P2RX7: variants seen among roughly 807,000 people sequenced by gnomAD.
P2RX7 encodes the protein purinergic receptor P2X 7.
In P2RX7, 62 loss-of-function variants were observed where a neutral mutation model predicts 71.6. The ratio of observed to expected loss-of-function variants is 0.87; its 90% CI spans 0.71 to 1.07. The LOEUF is 1.07. Ranked by LOEUF, P2RX7 falls within the 50% of genes least tolerant of loss-of-function variation. The pLI is 0.00. For synonymous variants in P2RX7, 299 were observed against 283.3 expected (o/e 1.06, Z -0.56); for missense variants, 686 against 748.5 (o/e 0.92, Z 0.97).
chr12:121,163,561 G>C (rs1321467458), intron 5 of P2RX7, among the ~76,000 whole-genome samples: 2 of 113,840 alleles, frequency 1.8e-5, no homozygotes, highest in Admixed American at 9.3e-5. Flanking sequence ...TAGAAAGATA[G>C]ATAGATAGAT....
At chr12:121,175,748 C>G (rs1883002096) in intron 9 of P2RX7, among the ~76,000 whole-genome samples, 1 of 152,038 alleles carries the variant, frequency 6.6e-6, no homozygotes, top group Admixed American at 6.6e-5. Context: ...AGAAATCTCT[C>G]TGTAAAATAG....
At chr12:121,172,402 G>A (rs1882365415) in intron 8 of P2RX7, among the ~76,000 whole-genome samples, 1 of 152,208 alleles carries the variant, frequency 6.6e-6, no homozygotes, top group African/African-American at 2.4e-5. Flanking sequence ...GGCTGAGGTG[G>A]GTGCATCACT....
chr12:121,148,501 C>T (rs2136018056), intron 1 of P2RX7, among the ~76,000 whole-genome samples: 1 of 152,244 alleles, frequency 6.6e-6, no homozygotes, highest in East Asian at 1.9e-4. Context: ...AGGCGTGAGT[C>T]ACCGCACCCA....
At chr12:121,157,060 C>T (rs2136051080) in intron 3 of P2RX7, among the ~76,000 whole-genome samples, 1 of 152,280 alleles carries the variant, frequency 6.6e-6, no homozygotes, top group South Asian at 2.1e-4. Flanking sequence ...CCTCTTAAAC[C>T]AGCTTTTCTT....
intron 8 of P2RX7, among the ~76,000 whole-genome samples, chr12:121,168,915 T>C (rs1370179723): frequency 2.0e-5 from 3 of 152,238 alleles, no homozygotes; most frequent in Non-Finnish European, 2.9e-5. Context: ...TCAAAGGTTG[T>C]GAACATTTTA....
chr12:121,140,451 G>A (rs1484337041), intron 1 of P2RX7, among the ~76,000 whole-genome samples: 1 of 152,220 alleles, frequency 6.6e-6, no homozygotes. Context: ...GAATGACGGT[G>A]AGGAACCAGT....
rs199617518 is a variant in P2RX7 at position 121,147,605 on chromosome 12, G to GTTGT, written c.126-7159_126-7156dup. 2.8e-4 allele frequency among the ~76,000 whole-genome samples: 43 copies of GTTGT among 151,624 alleles called. No homozygotes were observed. The South Asian group carries it at 6.5e-3, about 23-fold the overall frequency. Reference sequence around the variant, plus strand: ...TGCAAAATGGGCAGTTTTTTTTGTTGTTGTTTGTTTGTTTGTTTGTTTGTC... The same window carrying GTTGT: ...TGCAAAATGGGCAGTTTTTTTTGTTGTTGTTTGTTTGTTTGTTTGTTTGTTTGTC... On this transcript the variant is annotated intron_variant, in intron 1 of 12. Coordinates refer to ENST00000328963, the MANE Select transcript of P2RX7 (RefSeq NM_002562.6).
chr12:121,138,122 C>G (rs369906318), intron 1 of P2RX7, among the ~76,000 whole-genome samples: 3 of 152,148 alleles, frequency 2.0e-5, no homozygotes, highest in South Asian at 4.1e-4. Flanking sequence ...ACCCAACTTG[C>G]GTTAACCACA....
At chr12:121,165,525 C>A in intron 6 of P2RX7, 88 bp downstream of exon 6, 1 of 1,010,780 alleles carries the variant, frequency 9.9e-7, no homozygotes, top group Non-Finnish European at 1.5e-6. Flanking sequence ...ACAACAAACG[C>A]CTATTGTCTC....
chr12:121,139,238 G>A (rs756154355), intron 1 of P2RX7, among the ~76,000 whole-genome samples: 1 of 152,200 alleles, frequency 6.6e-6, no homozygotes, highest in Non-Finnish European at 1.5e-5. Context: ...CACCGCACCC[G>A]GCTGGATAAT....
intron 8 of P2RX7, among the ~76,000 whole-genome samples, chr12:121,168,065 G>C (rs539369557): frequency 6.6e-6 from 1 of 151,794 alleles, no homozygotes; most frequent in Non-Finnish European, 1.5e-5. Flanking sequence ...AACAACCCTC[G>C]GGGGAATTTT....
chr12:121,141,461 G>A (rs904271708), intron 1 of P2RX7, among the ~76,000 whole-genome samples: 1 of 152,172 alleles, frequency 6.6e-6, no homozygotes, highest in Non-Finnish European at 1.5e-5. Context: ...CCCACAGCTG[G>A]CCGGTACAGT....
In P2RX7 at chr12:121,163,372, A is replaced by ACACACGCACACACACACACACG. The variant is rs1565958376; in HGVS notation, c.533+857_533+858insGCACACACACACACACGCACAC. ...CACACACACACGCACACACACACAC[A>ACACACGCACACACACACACACG]CACACAATCTACCCCTAGAAGTGTG... On this transcript the variant is annotated intron_variant, in intron 5 of 12. Transcript: ENST00000328963. Among the ~76,000 whole-genome samples the ACACACGCACACACACACACACG allele has an allele frequency of 2.0e-5, 3 of 151,278 alleles. No homozygotes were observed. In the Admixed American group the frequency reaches 2.0e-4, roughly 10 times the overall value.
At chr12:121,153,484 C>A (rs1193020176) in intron 1 of P2RX7, among the ~76,000 whole-genome samples, 1 of 152,078 alleles carries the variant, frequency 6.6e-6, no homozygotes, top group African/African-American at 2.4e-5. Context: ...TCAAGACCAG[C>A]CTGACCAACA....
chr12:121,142,404 C>T (rs1319992068), intron 1 of P2RX7, among the ~76,000 whole-genome samples: 1 of 152,198 alleles, frequency 6.6e-6, no homozygotes, highest in African/African-American at 2.4e-5. Flanking sequence ...CATCTCCAAG[C>T]CTGCTATGAC....
intron 1 of P2RX7, among the ~76,000 whole-genome samples, chr12:121,138,039 T>C (rs1874068406): frequency 6.6e-6 from 1 of 152,228 alleles, no homozygotes; most frequent in Non-Finnish European, 1.5e-5. Context: ...GGAGTTTGTG[T>C]TGGAGGTCTG....
intron 8 of P2RX7, among the ~76,000 whole-genome samples, chr12:121,171,357 CTCTTTT>C (rs1424826001): frequency 0.025 from 3,310 of 131,862 alleles, 99 homozygotes; most frequent in African/African-American, 0.09. Context: ...TGTCTTCAAT[CTCTTTT>C]TTTTTTTTTT....
intron 1 of P2RX7, among the ~76,000 whole-genome samples, chr12:121,142,188 G>T (rs150508599): frequency 2.8e-4 from 43 of 152,332 alleles, no homozygotes; most frequent in African/African-American, 9.6e-4. Context: ...AACTAATACA[G>T]TCCCACAGGC....
chr12:121,171,152 A>G (rs1882099109), intron 8 of P2RX7, among the ~76,000 whole-genome samples: 1 of 152,116 alleles, frequency 6.6e-6, no homozygotes, highest in Non-Finnish European at 1.5e-5. Flanking sequence ...AACAGAAATT[A>G]ATCTTCTTAT....
Sources: gnomAD v4.1 joint callset for allele counts (sites outside exome capture counted in the v4.1 genomes callset) on GRCh38, gnomAD v4.1.1 for gene constraint, MANE v1.5 for transcripts, NCBI Gene and HGNC (gene_info 2026-07-23, HGNC 2026-07-21) for gene names.